RBFOX1: variants seen among roughly 807,000 people sequenced by gnomAD.
The protein encoded by RBFOX1 is RNA binding protein fox-1 homolog 1.
RBFOX1 carries 8 observed loss-of-function variants against 57.7 expected under a neutral mutation model. That is an observed-to-expected ratio of 0.14 (90% CI 0.08 to 0.25). RBFOX1 has a LOEUF of 0.25. Ranked by LOEUF, RBFOX1 falls within the 10% of genes least tolerant of loss-of-function variation. RBFOX1 has a pLI of 1.00. For synonymous variants in RBFOX1, 326 were observed against 222.4 expected (o/e 1.47, Z -4.15); for missense variants, 611 against 548.5 (o/e 1.11, Z -1.14).
intron 2 of RBFOX1, among the ~76,000 whole-genome samples, chr16:5,564,334 T>C (rs530962499): frequency 1.3e-5 from 2 of 152,276 alleles, no homozygotes; most frequent in Non-Finnish European, 2.9e-5. Context: ...AGAGTTTCTT[T>C]ACTCTTCTGT....
intron 3 of RBFOX1, among the ~76,000 whole-genome samples, chr16:6,696,716 C>G (rs1431310304): frequency 6.6e-6 from 1 of 151,676 alleles, no homozygotes; most frequent in Admixed American, 6.6e-5. Context: ...ATGTAACTTC[C>G]TTGGCTTGTT....
intron 1 of RBFOX1, among the ~76,000 whole-genome samples, chr16:6,180,936 C>T (rs1258672500): frequency 6.6e-6 from 1 of 152,068 alleles, no homozygotes. Context: ...AGCCAAAAAT[C>T]AGCTAAGATT....
At chr16:5,957,784 T>A (rs2059674996) in intron 4 of RBFOX1, among the ~76,000 whole-genome samples, 1 of 152,270 alleles carries the variant, frequency 6.6e-6, no homozygotes, top group African/African-American at 2.4e-5. Context: ...GGGGTCTCCA[T>A]CCCTTTGAGC....
At chr16:7,301,657 T>C (rs892341108) in intron 4 of RBFOX1, among the ~76,000 whole-genome samples, 3 of 152,214 alleles carry the variant, frequency 2.0e-5, no homozygotes, top group Admixed American at 6.5e-5. Flanking sequence ...CCATGTATTA[T>C]GTATCATGTT....
intron 5 of RBFOX1, among the ~76,000 whole-genome samples, chr16:7,546,546 G>A (rs552486791): frequency 6.6e-6 from 1 of 151,948 alleles, no homozygotes; most frequent in Non-Finnish European, 1.5e-5. Context: ...TGACCACCTG[G>A]TTGTTTATCT....
chr16:6,968,027 C>G (rs575048156), intron 3 of RBFOX1, among the ~76,000 whole-genome samples: 6 of 152,160 alleles, frequency 3.9e-5, no homozygotes, highest in Non-Finnish European at 8.8e-5. Context: ...TGTAAGGAAG[C>G]CATGTGGGCT....
chr16:6,978,972 C>CTAAGT (rs574661849), intron 3 of RBFOX1, among the ~76,000 whole-genome samples: 100 of 152,180 alleles, frequency 6.6e-4, no homozygotes, highest in Non-Finnish European at 1.1e-3. Context: ...GCCACCTGTG[C>CTAAGT]TAAGGCAGGC....
chr16:5,908,271 T>C (rs1325971870), intron 4 of RBFOX1, among the ~76,000 whole-genome samples: 1 of 147,098 alleles, frequency 6.8e-6, no homozygotes, highest in East Asian at 2.0e-4. Context: ...TACACATATA[T>C]ATACATACAT....
chr16:7,121,352 A>G (rs537611122), intron 4 of RBFOX1, among the ~76,000 whole-genome samples: 1 of 152,268 alleles, frequency 6.6e-6, no homozygotes, highest in East Asian at 1.9e-4. Context: ...AGAATTGTCT[A>G]TTTATAAAAT....
chr16:5,438,928 T>C lies in RBFOX1; in HGVS notation c.220-28288T>C, dbSNP rs946484636. On this transcript the variant is annotated intron_variant, in intron 1 of 2. Transcript: ENST00000585867. ...TCTTGTCTTCAAGCTAATGTTCTAGTAGTTGTGTGGATGGGGAGGTGGTAA... is the reference window on the plus strand; with the variant it reads ...TCTTGTCTTCAAGCTAATGTTCTAGCAGTTGTGTGGATGGGGAGGTGGTAA... Among the ~76,000 whole-genome samples the C allele has an allele frequency of 7.9e-5, 12 of 151,420 alleles. 1 individual carries two copies. Among genetic ancestry groups the C allele is most frequent in the Admixed American group, 7.2e-4 (11 of 15,180 alleles).
chr16:5,658,824 GTATATATGTA>G (rs1220280733), intron 3 of RBFOX1, among the ~76,000 whole-genome samples: 1 of 142,904 alleles, frequency 7.0e-6, no homozygotes, highest in African/African-American at 2.8e-5. Flanking sequence ...TATAATATAT[GTATATATGTA>G]TATATATAAT....
At chr16:5,373,240 G>C (rs1200535884) in intron 1 of RBFOX1, among the ~76,000 whole-genome samples, 1 of 152,142 alleles carries the variant, frequency 6.6e-6, no homozygotes, top group Non-Finnish European at 1.5e-5. Context: ...GGGTCGGAAA[G>C]ATATGGACCC....
intron 4 of RBFOX1, among the ~76,000 whole-genome samples, chr16:7,134,549 T>G (rs1371723736): frequency 6.6e-6 from 1 of 152,176 alleles, no homozygotes; most frequent in African/African-American, 2.4e-5. Context: ...CATTCACAGT[T>G]TCCAAATTGC....
chr16:6,560,653 G>C (rs1002506003), intron 2 of RBFOX1, among the ~76,000 whole-genome samples: 1 of 152,178 alleles, frequency 6.6e-6, no homozygotes, highest in African/African-American at 2.4e-5. Context: ...GAGTAAAATA[G>C]GGTCTTGACT....
intron 3 of RBFOX1, among the ~76,000 whole-genome samples, chr16:5,717,563 C>G (rs1008660071): frequency 5.3e-5 from 8 of 152,168 alleles, no homozygotes; most frequent in African/African-American, 1.7e-4. Flanking sequence ...TTTGTATCCT[C>G]ATAGCTTAGC....
intron 4 of RBFOX1, among the ~76,000 whole-genome samples, chr16:5,883,730 A>T (rs548196904): frequency 1.3e-5 from 2 of 152,224 alleles, no homozygotes; most frequent in South Asian, 2.1e-4. Context: ...CTAAGCAGTG[A>T]TTTTTTTAAA....
At chr16:5,603,936 C>G (rs62016891), downstream of RBFOX1, among the ~76,000 whole-genome samples, 1 of 148,118 alleles carries the variant, frequency 6.8e-6, no homozygotes, top group Non-Finnish European at 1.5e-5. Flanking sequence ...ACTATACCCT[C>G]CTATACCCAA....
intron 2 of RBFOX1, among the ~76,000 whole-genome samples, chr16:6,371,131 C>G (rs568342172): frequency 2.0e-4 from 30 of 152,260 alleles, no homozygotes; most frequent in Admixed American, 1.3e-3. Context: ...TATGATGTCT[C>G]TCAGATATCT....
At chr16:6,020,029 C>G in intron 1 of RBFOX1, 37 bp downstream of exon 1, 1 of 1,457,638 alleles carries the variant, frequency 6.9e-7, no homozygotes, top group Admixed American at 2.2e-5. Flanking sequence ...TGCACCCACC[C>G]TGACCTGGTG....
Sources: gnomAD v4.1 joint callset for allele counts (sites outside exome capture counted in the v4.1 genomes callset) on GRCh38, gnomAD v4.1.1 for gene constraint, MANE v1.5 for transcripts, NCBI Gene and HGNC (gene_info 2026-07-23, HGNC 2026-07-21) for gene names.